Variants in LEPR observed in about 807,000 individuals in gnomAD.
LEPR encodes the protein leptin receptor.
LEPR carries 56 observed loss-of-function variants against 114.7 expected under a neutral mutation model. The ratio of observed to expected loss-of-function variants is 0.49; its 90% CI spans 0.39 to 0.61. The LOEUF (loss-of-function observed/expected upper bound fraction) is 0.61, where lower values mean the gene tolerates loss of function less well. Among genes scored for constraint, LEPR ranks in the 20% least tolerant of loss-of-function variants. The probability of loss-of-function intolerance (pLI) is 0.00; values close to 1 mark genes in which losing one functional copy is unlikely to be tolerated. For synonymous variants in LEPR, 443 were observed against 461.4 expected (o/e 0.96, Z 0.51); for missense variants, 1,202 against 1,352.9 (o/e 0.89, Z 1.75).
chr1:65,478,100 G>A (rs1024664155), intron 2 of LEPR, among the ~76,000 whole-genome samples: 4 of 152,160 alleles, frequency 2.6e-5, no homozygotes, highest in Non-Finnish European at 4.4e-5. Flanking sequence ...TCAGACAATA[G>A]GTCTGAAAGT....
At chr1:65,501,924 G>A (rs190626007) in intron 2 of LEPR, among the ~76,000 whole-genome samples, 3 of 152,198 alleles carry the variant, frequency 2.0e-5, no homozygotes, top group East Asian at 1.9e-4. Context: ...TTTAACAAAT[G>A]TTACTTTTGA....
intron 2 of LEPR, among the ~76,000 whole-genome samples, chr1:65,533,762 A>G (rs1400898253): frequency 6.6e-6 from 1 of 152,134 alleles, no homozygotes; most frequent in East Asian, 1.9e-4. Context: ...TATTAACTTA[A>G]AAGTATTTTT....
In LEPR at chr1:65,491,891, G is replaced by A. The variant is rs1051003609; in HGVS notation, c.-21+66513G>A. 7.2e-5 allele frequency among the ~76,000 whole-genome samples: 11 copies of A among 152,152 alleles called. No individual in the cohort carries two copies. In the East Asian group the frequency reaches 7.7e-4, roughly 11 times the overall value. ...CTTTTCTACTTAATTAGCTTTTGTCGTTTTGTGTTTCTGTTGAGAAAAGCT... is the reference window on the plus strand; with the variant it reads ...CTTTTCTACTTAATTAGCTTTTGTCATTTTGTGTTTCTGTTGAGAAAAGCT... On this transcript the variant is annotated intron_variant, in intron 2 of 19. Coordinates refer to ENST00000349533, the MANE Select transcript of LEPR (RefSeq NM_002303.6).
chr1:65,575,021 T>C (rs942139965), intron 5 of LEPR, among the ~76,000 whole-genome samples: 7 of 152,126 alleles, frequency 4.6e-5, no homozygotes, highest in Admixed American at 2.6e-4. Context: ...AGAGCTGGAA[T>C]TCATATATCC....
chr1:65,426,074 A>C (rs1646357554), intron 2 of LEPR, among the ~76,000 whole-genome samples: 1 of 138,962 alleles, frequency 7.2e-6, no homozygotes, highest in South Asian at 2.1e-4. Context: ...ATGGTACAAA[A>C]GATGAAGAGC....
intron 19 of LEPR, chr1:65,626,178 T>A (rs1160183350): frequency 6.2e-7 from 1 of 1,611,032 alleles, no homozygotes; most frequent in Non-Finnish European, 8.5e-7. Flanking sequence ...TAGGAAATGC[T>A]TGTAGACTAC....
At chr1:65,547,918 C>A (rs1570661647) in intron 2 of LEPR, among the ~76,000 whole-genome samples, 1 of 148,084 alleles carries the variant, frequency 6.8e-6, no homozygotes, top group African/African-American at 2.5e-5. Flanking sequence ...AATTTTGGAT[C>A]TTTCCTGCTT....
At chr1:65,618,721 C>T (rs1316031396) in intron 16 of LEPR, among the ~76,000 whole-genome samples, 1 of 152,140 alleles carries the variant, frequency 6.6e-6, no homozygotes, top group Non-Finnish European at 1.5e-5. Flanking sequence ...CCTATCATAT[C>T]ATATCAATTT....
chr1:65,425,186 A>G, intron 1 of LEPR, 117 bp from the exon 2 acceptor site: 1 of 770,194 alleles, frequency 1.3e-6, no homozygotes, highest in East Asian at 2.7e-5. Context: ...CAGAAAATTT[A>G]CTCATCCGCC....
intron 2 of LEPR, among the ~76,000 whole-genome samples, chr1:65,554,032 G>A (rs755748489): frequency 7.9e-5 from 12 of 152,302 alleles, no homozygotes; most frequent in South Asian, 2.1e-4. Context: ...TATCACCAGC[G>A]GAGGCTGCAG....
chr1:65,570,250 A>C (rs1654060889), intron 3 of LEPR, among the ~76,000 whole-genome samples: 1 of 152,224 alleles, frequency 6.6e-6, no homozygotes. Flanking sequence ...CTTCAAAAAG[A>C]AAAGAGATGT....
At chr1:65,481,976 C>T (rs965523788) in intron 2 of LEPR, among the ~76,000 whole-genome samples, 2 of 151,850 alleles carry the variant, frequency 1.3e-5, no homozygotes, top group Non-Finnish European at 2.9e-5. Context: ...GCTACAGATA[C>T]ATTACTAAAA....
chr1:65,507,144 G>C (rs1648771399), intron 2 of LEPR, among the ~76,000 whole-genome samples: 1 of 151,994 alleles, frequency 6.6e-6, no homozygotes, highest in South Asian at 2.1e-4. Context: ...TCTGCCTCCT[G>C]GGTTCAAACG....
At chr1:65,617,597 G>A (rs1014241186) in intron 15 of LEPR, among the ~76,000 whole-genome samples, 9 of 152,164 alleles carry the variant, frequency 5.9e-5, no homozygotes, top group African/African-American at 2.2e-4. Flanking sequence ...CTTTTAAGTG[G>A]GATGCTGTGC....
At chr1:65,610,905 TC>T (rs1323945047) in intron 14 of LEPR, among the ~76,000 whole-genome samples, 2 of 152,232 alleles carry the variant, frequency 1.3e-5, no homozygotes, top group African/African-American at 4.8e-5. Flanking sequence ...TTTCTGTCAC[TC>T]CAAATGTGAA....
At chr1:65,570,126 G>T (rs1654053872) in intron 3 of LEPR, among the ~76,000 whole-genome samples, 1 of 152,066 alleles carries the variant, frequency 6.6e-6, no homozygotes, top group Non-Finnish European at 1.5e-5. Flanking sequence ...CATTTATAAT[G>T]GAAGCTAGAA....
intron 2 of LEPR, among the ~76,000 whole-genome samples, chr1:65,452,789 C>T (rs1373773937): frequency 6.0e-5 from 9 of 150,458 alleles, no homozygotes; most frequent in Non-Finnish European, 1.2e-4. Flanking sequence ...TGATGCTGGC[C>T]TCATAAAATG....
At chr1:65,511,315 T>C (rs1649021568) in intron 2 of LEPR, among the ~76,000 whole-genome samples, 1 of 151,914 alleles carries the variant, frequency 6.6e-6, no homozygotes, top group East Asian at 1.9e-4. Flanking sequence ...AAATGAAGAG[T>C]CTCAGACCCC....
At chr1:65,635,936 A>C (rs1000445725) in intron 19 of LEPR, among the ~76,000 whole-genome samples, 1 of 152,202 alleles carries the variant, frequency 6.6e-6, no homozygotes, top group African/African-American at 2.4e-5. Context: ...CAGAGAGGTT[A>C]GTGTACTTGT....
Sources: allele counts gnomAD v4.1 joint callset (sites outside exome capture counted in the v4.1 genomes callset), GRCh38; gene constraint gnomAD v4.1.1; transcripts MANE v1.5; gene names NCBI Gene and HGNC (gene_info 2026-07-23, HGNC 2026-07-21).